The following SEMA3C variants were observed in gnomAD, a reference collection of about 807,000 sequenced individuals.
SEMA3C encodes semaphorin 3C, also known as semaphorin-3C.
In SEMA3C, 47 loss-of-function variants were observed where a neutral mutation model predicts 89.4. That is an observed-to-expected ratio of 0.53 (90% confidence interval 0.42 to 0.67). The LOEUF is 0.67. Among genes scored for constraint, SEMA3C ranks in the 30% least tolerant of loss-of-function variants. The pLI is 0.00. For synonymous variants in SEMA3C, 310 were observed against 320.2 expected (o/e 0.97, Z 0.34); for missense variants, 839 against 929.1 (o/e 0.90, Z 1.26).
chr7:80,763,181 T>C lies in SEMA3C; in HGVS notation c.1444-1524A>G, dbSNP rs1431326285. On this transcript the variant is annotated intron_variant, in intron 13 of 17. Coordinates refer to ENST00000265361, the MANE Select transcript of SEMA3C (RefSeq NM_006379.5). ...GGACTAAAAGAAGAGATTATGGTCC[T>C]GCACTGTATAAAAACAAAGCTCCTG... 2.6e-5 allele frequency among the ~76,000 whole-genome samples: 4 copies of C among 152,226 alleles called. No homozygotes were observed. The East Asian group carries it at 5.8e-4, about 22-fold the overall frequency.
chr7:80,807,538 C>A (rs1329753633), intron 6 of SEMA3C, among the ~76,000 whole-genome samples: 1 of 152,060 alleles, frequency 6.6e-6, no homozygotes, highest in Non-Finnish European at 1.5e-5. Flanking sequence ...TTTTGCATGA[C>A]CTTATGCAGA....
chr7:80,810,360 T>C (rs911145625), intron 6 of SEMA3C, among the ~76,000 whole-genome samples: 1 of 152,124 alleles, frequency 6.6e-6, no homozygotes, highest in South Asian at 2.1e-4. Context: ...AGTATACATA[T>C]ACACACTTAT....
At chr7:80,881,539 GA>G (rs1031629390) in intron 2 of SEMA3C, among the ~76,000 whole-genome samples, 8 of 152,124 alleles carry the variant, frequency 5.3e-5, no homozygotes, top group African/African-American at 1.9e-4. Context: ...GGGTGTAAGT[GA>G]TTTTACATGT....
chr7:80,886,843 G>A (rs1791491644), intron 2 of SEMA3C, among the ~76,000 whole-genome samples: 1 of 152,032 alleles, frequency 6.6e-6, no homozygotes, highest in African/African-American at 2.4e-5. Flanking sequence ...TAATATGACC[G>A]AATATATGTA....
intron 2 of SEMA3C, among the ~76,000 whole-genome samples, chr7:80,863,704 TGATATATATATCACA>T (rs1167325666): frequency 1.3e-5 from 2 of 148,842 alleles, no homozygotes; most frequent in East Asian, 2.0e-4. Flanking sequence ...CATATATATG[TGATATATATATCACA>T]GATATATATA....
At chr7:80,746,560 C>G (rs1787803936) in intron 17 of SEMA3C, among the ~76,000 whole-genome samples, 1 of 151,888 alleles carries the variant, frequency 6.6e-6, no homozygotes, top group Admixed American at 6.6e-5. Flanking sequence ...AGACTATATA[C>G]TCTCACATGT....
intron 2 of SEMA3C, among the ~76,000 whole-genome samples, chr7:80,863,328 A>T (rs1790818272): frequency 6.6e-6 from 1 of 151,516 alleles, no homozygotes; most frequent in African/African-American, 2.4e-5. Context: ...GAATGGCCAT[A>T]ATCAAAATAT....
At chr7:80,818,942 T>C (rs920375633) in intron 4 of SEMA3C, among the ~76,000 whole-genome samples, 5 of 152,166 alleles carry the variant, frequency 3.3e-5, no homozygotes, top group African/African-American at 1.2e-4. Flanking sequence ...TCAACAAACA[T>C]TTACTGATTA....
At chr7:80,773,165 T>A (rs1344411240) in intron 12 of SEMA3C, among the ~76,000 whole-genome samples, 4 of 152,200 alleles carry the variant, frequency 2.6e-5, no homozygotes, top group South Asian at 4.1e-4. Flanking sequence ...TTTCTATTTT[T>A]AGCTAAAATA....
At chr7:80,832,704 T>A (rs1201075437) in intron 2 of SEMA3C, among the ~76,000 whole-genome samples, 3 of 152,140 alleles carry the variant, frequency 2.0e-5, no homozygotes, top group Non-Finnish European at 4.4e-5. Flanking sequence ...ACCAAGAAAG[T>A]TCCTTGCTGA....
intron 16 of SEMA3C, 50 bp downstream of exon 16, chr7:80,751,219 C>T (rs532698671): frequency 6.8e-5 from 95 of 1,405,144 alleles, no homozygotes; most frequent in Middle Eastern, 5.3e-4. Flanking sequence ...AAATGTGATA[C>T]GGAGCATTGC....
chr7:80,853,003 C>A (rs2115947347), intron 2 of SEMA3C, among the ~76,000 whole-genome samples: 1 of 152,188 alleles, frequency 6.6e-6, no homozygotes. Flanking sequence ...CAAAAGAAGA[C>A]AAACAAATGG....
In SEMA3C at chr7:80,755,069, G is replaced by C. The variant is rs537985117; in HGVS notation, c.1643+3262C>G. On this transcript the variant is annotated intron_variant, in intron 15 of 17. Coordinates refer to ENST00000265361, the MANE Select transcript of SEMA3C (RefSeq NM_006379.5). ...CCTGCTTCGGCCTCCCAAAGTGCTG[G>C]GACTACAGGCATAAGCCACTGCACC... 9.9e-5 allele frequency among the ~76,000 whole-genome samples: 15 copies of C among 150,838 alleles called. No homozygotes were observed. In the East Asian group the frequency reaches 2.9e-3, roughly 29 times the overall value.
chr7:80,853,885 C>CAT (rs1025682738), intron 2 of SEMA3C, among the ~76,000 whole-genome samples: 7 of 148,040 alleles, frequency 4.7e-5, no homozygotes, highest in Admixed American at 3.4e-4. Context: ...TTATGTACCC[C>CAT]ATATATATGT....
chr7:80,765,041 T>A (rs1352970837), intron 13 of SEMA3C, 114 bp downstream of exon 13: 4 of 659,430 alleles, frequency 6.1e-6, no homozygotes, highest in Non-Finnish European at 1.0e-5. Context: ...CAAAAATTCA[T>A]AACATTCATT....
chr7:80,828,846 G>T (rs1789943297), intron 2 of SEMA3C, 101 bp from the exon 3 acceptor site: 16 of 909,976 alleles, frequency 1.8e-5, no homozygotes, highest in Non-Finnish European at 2.3e-5. Context: ...AAATGTCAAG[G>T]TACATTTTCT....
chr7:80,886,633 T>A (rs1366407753), intron 2 of SEMA3C, among the ~76,000 whole-genome samples: 1 of 152,196 alleles, frequency 6.6e-6, no homozygotes, highest in Non-Finnish European at 1.5e-5. Flanking sequence ...ATTACAGGCA[T>A]GAGCCACCTT....
intron 2 of SEMA3C, among the ~76,000 whole-genome samples, chr7:80,872,925 A>G (rs1791103225): frequency 7.4e-6 from 1 of 134,922 alleles, no homozygotes. Flanking sequence ...ATGAGAGTGA[A>G]AAAAAAAAAA....
rs114747269 is a variant in SEMA3C, at chr7:80,884,527, T to G, written c.103+32152A>C. Among the ~76,000 whole-genome samples the G allele has an allele frequency of 8.1e-4, 123 of 152,326 alleles. 1 individual carries two copies. Among genetic ancestry groups the G allele is most frequent in the African/African-American group, 2.7e-3 (112 of 41,556 alleles). On this transcript the variant is annotated intron_variant, in intron 2 of 17. Transcript: ENST00000265361. ...TTTTACAGACTTCTGTATTGACAATTCTGTAGTGAAGATAAGTAGCAAATA... is the reference window on the plus strand; with the variant it reads ...TTTTACAGACTTCTGTATTGACAATGCTGTAGTGAAGATAAGTAGCAAATA...
Sources: gnomAD v4.1 joint callset for allele counts (sites outside exome capture counted in the v4.1 genomes callset) on GRCh38, gnomAD v4.1.1 for gene constraint, MANE v1.5 for transcripts, NCBI Gene and HGNC (gene_info 2026-07-23, HGNC 2026-07-21) for gene names.